Variants in NFIX observed in about 807,000 individuals in gnomAD.
The protein encoded by NFIX is nuclear factor I X, also known as nuclear factor 1 X-type.
Under a neutral mutation model 53.3 loss-of-function variants are expected in NFIX, and 2 were observed. That is an observed-to-expected ratio of 0.04 (90% CI 0.02 to 0.12). The LOEUF (loss-of-function observed/expected upper bound fraction) is 0.12. Ranked by LOEUF, NFIX falls within the 10% of genes least tolerant of loss-of-function variation. NFIX has a pLI of 1.00. For synonymous variants in NFIX, 244 were observed against 289.0 expected, an observed-to-expected ratio of 0.84 and a Z score of 1.58; for missense variants, 310 against 674.5, an observed-to-expected ratio of 0.46 and a Z score of 5.99.
chr19:13,046,766 CA>C (rs1349253878), intron 2 of NFIX, among the ~76,000 whole-genome samples: 4 of 152,112 alleles, frequency 2.6e-5, no homozygotes, highest in Non-Finnish European at 5.9e-5. Flanking sequence ...ATGTGAATGT[CA>C]GGAGCAGAGA....
In NFIX at chr19:13,006,402, AT is replaced by A. The variant is rs962414738; in HGVS notation, c.27+10540del. Among the ~76,000 whole-genome samples the A allele has an allele frequency of 1.3e-5, 2 of 152,200 alleles. No individual in the cohort carries two copies. Among genetic ancestry groups the A allele is most frequent in the Admixed American group, 1.3e-4 (2 of 15,292 alleles). On this transcript the variant is annotated intron_variant, in intron 1 of 10. Coordinates refer to ENST00000592199, the MANE Select transcript of NFIX (RefSeq NM_001365902.3). This position sits in a 1 kb window ranked among gnomAD's most constrained non-coding sequence, Gnocchi z 5.6. ...TCATTTCTTCAATCTGAGCTCATCTATTATCCATATTTGTGGATATGCCATA... is the reference window on the plus strand; with the variant it reads ...TCATTTCTTCAATCTGAGCTCATCTATATCCATATTTGTGGATATGCCATA...
At chr19:13,018,561 A>G (rs956159462) in intron 1 of NFIX, among the ~76,000 whole-genome samples, 3 of 152,124 alleles carry the variant, frequency 2.0e-5, no homozygotes, top group Non-Finnish European at 2.9e-5. Flanking sequence ...CGCAAAGTGC[A>G]TTTTCCGGTT....
In NFIX at chr19:13,095,537, GCCC is replaced by G. The variant is rs1442055842; in HGVS notation, c.*890_*892del. ...TCCTGCCACGAGGGAGGGGAGTCGG[GCCC>G]CAGGTCGCCCCCGCCCCCAGCCCTG... On this transcript the variant is annotated 3_prime_UTR_variant, in exon 11 of 11. Coordinates refer to ENST00000592199, the MANE Select transcript of NFIX (RefSeq NM_001365902.3). The G allele has an allele frequency of 1.3e-5, 2 of 152,174 alleles. No homozygotes were observed. The highest frequency in any genetic ancestry group is 2.4e-5 in the African/African-American group (1 of 41,406). The allele number at this position is 152,174 out of a possible 1,614,324, so 9.4% of individuals were successfully genotyped here. A position where few individuals can be genotyped will look rare whatever the true frequency, so the allele number is the denominator to read the frequency against.
At chr19:13,017,882 A>G (rs1430862453) in intron 1 of NFIX, among the ~76,000 whole-genome samples, 1 of 152,136 alleles carries the variant, frequency 6.6e-6, no homozygotes, top group South Asian at 2.1e-4. Context: ...CTTGGCCACC[A>G]TGAAGTGACA....
intron 1 of NFIX, among the ~76,000 whole-genome samples, chr19:13,019,731 G>GTT (rs60597655): frequency 3.2e-4 from 41 of 129,948 alleles, no homozygotes; most frequent in African/African-American, 8.5e-4. Flanking sequence ...TTGTTTGTTT[G>GTT]TTTTTTTTTT....
Position 13,094,568 on chromosome 19 carries a change from C to A in NFIX, c.1495-67C>A. The A allele has an allele frequency of 6.6e-7, 1 of 1,511,850 alleles. No individual in the cohort carries two copies. The highest frequency in any genetic ancestry group is 1.8e-4 in the Middle Eastern group (1 of 5,512). The allele number at this position is 1,511,850 out of a possible 1,614,324, so 93.7% of individuals were successfully genotyped here. A position where few individuals can be genotyped will look rare whatever the true frequency, so the allele number is the denominator to read the frequency against. On this transcript the variant is annotated intron_variant, in intron 10 of 10. Transcript: ENST00000592199. This position sits in a 1 kb window ranked among gnomAD's most constrained non-coding sequence, Gnocchi z 4.3. ...CCCTTGAGGGGCCAGGTCACTGGGC[C>A]AGGTAGGAGTGAGATGGGACCTGCC... is the stretch of plus-strand genomic sequence containing the variant.
rs577931751 is a variant in NFIX, at chr19:13,060,007, C to T, written c.560-13040C>T. On this transcript the variant is annotated intron_variant, in intron 2 of 10. Transcript: ENST00000592199. This position sits in a 1 kb window ranked among gnomAD's most constrained non-coding sequence, Gnocchi z 4.3. ...TCACCATTGTTGCCCTGGGTGGTCT[C>T]GAACTCCTGAGCTCAGGCGATCCAC... 6.9e-4 allele frequency among the ~76,000 whole-genome samples: 105 copies of T among 152,008 alleles called. No individual in the cohort carries two copies. Among genetic ancestry groups the T allele is most frequent in the African/African-American group, 2.4e-3 (101 of 41,480 alleles).
intron 8 of NFIX, among the ~76,000 whole-genome samples, chr19:13,085,719 C>T (rs2017741140): frequency 6.6e-6 from 1 of 152,154 alleles, no homozygotes; most frequent in Non-Finnish European, 1.5e-5. Flanking sequence ...TCAAAGGAAC[C>T]ATTTAGAGGG....
chr19:12,999,427 C>T (rs539230289), intron 1 of NFIX, among the ~76,000 whole-genome samples: 26 of 152,028 alleles, frequency 1.7e-4, no homozygotes, highest in Non-Finnish European at 3.1e-4. Flanking sequence ...CTGCCTCGGC[C>T]TCCCAAAGTG....
chr19:13,092,325 G>A (rs2018191671), intron 10 of NFIX, among the ~76,000 whole-genome samples: 1 of 152,220 alleles, frequency 6.6e-6, no homozygotes, highest in Non-Finnish European at 1.5e-5. Flanking sequence ...AGCAGAGAAA[G>A]CCACTCTGTG....
At chr19:13,016,749 C>G (rs2012691186) in intron 1 of NFIX, among the ~76,000 whole-genome samples, 1 of 151,806 alleles carries the variant, frequency 6.6e-6, no homozygotes. Flanking sequence ...TAATCCCCTC[C>G]CTTTTCTTTC....
chr19:13,042,395 C>A (rs2014701521), intron 2 of NFIX, among the ~76,000 whole-genome samples: 1 of 124,208 alleles, frequency 8.1e-6, no homozygotes, highest in Admixed American at 9.7e-5. Flanking sequence ...GTCGCTGTCA[C>A]CCAAGCTGGA....
rs560216089 is a variant in NFIX, at chr19:13,056,184, G to T, written c.560-16863G>T. On this transcript the variant is annotated intron_variant, in intron 2 of 10. Transcript: ENST00000592199. ...CCTTCGGAAGGAGTTGGGGAAGCAG[G>T]CGGGCAGGGGGAGGAGCGGGCTTTG... 8.5e-5 allele frequency among the ~76,000 whole-genome samples: 13 copies of T among 152,296 alleles called. No homozygotes were observed. In the South Asian group the frequency reaches 2.7e-3, roughly 32 times the overall value.
chr19:13,079,679 G>A (rs933865878), intron 7 of NFIX, among the ~76,000 whole-genome samples: 5 of 151,946 alleles, frequency 3.3e-5, no homozygotes, highest in African/African-American at 1.2e-4. Flanking sequence ...GGTGGGGGTG[G>A]GGAGCCCAGG....
At position 13,090,316 on chromosome 19, in the gene NFIX, G is replaced by A. The variant is rs777228135; in HGVS notation, c.1420G>A (p.Ala474Thr). 5.0e-6 allele frequency: 8 copies of A among 1,613,806 alleles called. No homozygotes were observed. The highest frequency in any genetic ancestry group is 2.7e-5 in the African/African-American group (2 of 74,924). Reference protein sequence around the residue: ...PPSPSFATTGASSANRFVSIG... With the variant: ...PPSPSFATTGTSSANRFVSIG... ...CCCCACAGCATTCGCAACGACAGGC[G>A]CCTCCTCTGCCAACCGGTTTGTCAG... Residue 474 changes from alanine (A) to threonine (T), a missense_variant, in exon 10 of 11, where the codon GCC becomes ACC. Physicochemically the swap from Ala to Thr is moderately conservative, Grantham distance 58 (BLOSUM62 0). This residue lies in a region of NFIX where 44 missense variants were observed against 73.4 expected (regional missense o/e 0.60). Transcript: ENST00000592199. This position sits in a 1 kb window ranked among gnomAD's most constrained non-coding sequence, Gnocchi z 6.6.
In NFIX at chr19:13,078,211, T is replaced by TA. The variant is rs1248559673; in HGVS notation, c.956-401dup. On this transcript the variant is annotated intron_variant, in intron 6 of 10. Transcript: ENST00000592199. This position sits in a 1 kb window ranked among gnomAD's most constrained non-coding sequence, Gnocchi z 4.7. ...GACCCCAGCCTGTCCCTCCCAAACT[T>TA]ACCCCTTCCCGGCTCTCAAGCTGGC... is the stretch of plus-strand genomic sequence containing the variant. Among the ~76,000 whole-genome samples, 1 of 152,070 alleles carries TA rather than the reference T, an allele frequency of 6.6e-6. No individual in the cohort carries two copies. Among genetic ancestry groups the TA allele is most frequent in the East Asian group, 1.9e-4 (1 of 5,176 alleles).
At chr19:13,044,775 G>T (rs543668305) in intron 2 of NFIX, among the ~76,000 whole-genome samples, 1 of 152,286 alleles carries the variant, frequency 6.6e-6, no homozygotes, top group African/African-American at 2.4e-5. Context: ...TACAATTGTC[G>T]TAATTACAGG....
rs531020637 is a variant in NFIX, at chr19:13,093,593, C to T, written c.1495-1042C>T. The stretch of plus-strand genomic sequence containing the variant: ...GGGCTGTGTGGCCTCAGGCAGGTCA[C>T]GTACCCCCTCTGTGCCTAGCTTCCT... On this transcript the variant is annotated intron_variant, in intron 10 of 10. Coordinates refer to ENST00000592199, the MANE Select transcript of NFIX (RefSeq NM_001365902.3). This position sits in a 1 kb window ranked among gnomAD's most constrained non-coding sequence, Gnocchi z 4.7. Among the ~76,000 whole-genome samples, 2 of 152,336 alleles carry T rather than the reference C, an allele frequency of 1.3e-5. No individual in the cohort carries two copies. The highest frequency in any genetic ancestry group is 4.8e-5 in the African/African-American group (2 of 41,570).
In NFIX at chr19:13,089,986, G is replaced by T. The variant is rs1039063403; in HGVS notation, c.1403-313G>T. On this transcript the variant is annotated intron_variant, in intron 9 of 10. Transcript: ENST00000592199. The surrounding 1 kb of genome is among the most constrained non-coding windows in gnomAD (Gnocchi z 4.8). ...CCAGGAGACTTGTCTCAGCCTCCAG[G>T]GCCTCTCCCTCATCCCAGCTGTGAA... Among the ~76,000 whole-genome samples the T allele has an allele frequency of 6.6e-6, 1 of 152,168 alleles. No homozygotes were observed. The highest frequency in any genetic ancestry group is 1.5e-5 in the Non-Finnish European group (1 of 68,020).
Sources: gnomAD v4.1 joint callset for allele counts (sites outside exome capture counted in the v4.1 genomes callset) on GRCh38, gnomAD v4.1.1 for gene constraint, gnomAD v4.1.1 regional missense constraint, Gnocchi (gnomAD v3.1) non-coding constraint, MANE v1.5 for transcripts, NCBI Gene and HGNC (gene_info 2026-07-23, HGNC 2026-07-21) for gene names.